The following CPNE8 variants were observed in gnomAD, a reference collection of about 807,000 sequenced individuals.
The protein encoded by CPNE8 is copine 8.
Under a neutral mutation model 81.5 loss-of-function variants are expected in CPNE8, and 45 were observed. The ratio of observed to expected loss-of-function variants is 0.55; its 90% CI spans 0.44 to 0.71. The LOEUF (loss-of-function observed/expected upper bound fraction) is 0.71, where lower values mean the gene tolerates loss of function less well. Ranked by LOEUF, CPNE8 falls within the 30% of genes least tolerant of loss-of-function variation. The pLI is 0.00. For synonymous variants in CPNE8, 252 were observed against 226.3 expected (o/e 1.11, Z -1.02); for missense variants, 594 against 672.1 (o/e 0.88, Z 1.28).
intron 1 of CPNE8, among the ~76,000 whole-genome samples, chr12:38,892,899 G>C (rs1047500616): frequency 6.6e-6 from 1 of 152,024 alleles, no homozygotes; most frequent in Non-Finnish European, 1.5e-5. Flanking sequence ...GAAAAAACTA[G>C]AACAGCAACA....
chr12:38,837,707 G>A (rs1306745379), intron 5 of CPNE8, among the ~76,000 whole-genome samples: 1 of 151,980 alleles, frequency 6.6e-6, no homozygotes, highest in Non-Finnish European at 1.5e-5. Flanking sequence ...ATCCTATTTG[G>A]AACAGAGAGA....
At chr12:38,859,211 A>T (rs1414864342) in intron 3 of CPNE8, among the ~76,000 whole-genome samples, 1 of 152,130 alleles carries the variant, frequency 6.6e-6, no homozygotes. Flanking sequence ...CAAAGACTCC[A>T]CAAAAACTGT....
intron 19 of CPNE8, among the ~76,000 whole-genome samples, chr12:38,661,163 G>A (rs1451587393): frequency 6.6e-6 from 1 of 152,170 alleles, no homozygotes; most frequent in East Asian, 1.9e-4. Context: ...GCACATGTAT[G>A]TTTATTGTGG....
intron 6 of CPNE8, among the ~76,000 whole-genome samples, chr12:38,816,135 T>C (rs1285469098): frequency 6.6e-6 from 1 of 152,182 alleles, no homozygotes; most frequent in African/African-American, 2.4e-5. Context: ...AAATTCTGTA[T>C]TTTTAAAGTC....
At chr12:38,669,779 G>A (rs1376803726) in intron 19 of CPNE8, among the ~76,000 whole-genome samples, 1 of 152,208 alleles carries the variant, frequency 6.6e-6, no homozygotes, top group East Asian at 1.9e-4. Flanking sequence ...CAGTAAAACA[G>A]TGGGCCTTGG....
intron 13 of CPNE8, 125 bp downstream of exon 13, chr12:38,723,647 T>C (rs1349122633): frequency 2.8e-6 from 2 of 706,302 alleles, no homozygotes; most frequent in African/African-American, 3.6e-5. Flanking sequence ...AACAGAAGTC[T>C]AATAGGCTTG....
chr12:38,816,026 A>G (rs1041407356), intron 6 of CPNE8, among the ~76,000 whole-genome samples: 1 of 152,168 alleles, frequency 6.6e-6, no homozygotes, highest in African/African-American at 2.4e-5. Flanking sequence ...CTATCTATCT[A>G]TCCATCTACA....
chr12:38,714,631 C>CA (rs201397855), intron 13 of CPNE8, among the ~76,000 whole-genome samples: 215 of 138,548 alleles, frequency 1.6e-3, no homozygotes, highest in Middle Eastern at 3.9e-3. Flanking sequence ...CACTGCTTAT[C>CA]AAAAAAAAAA....
intron 6 of CPNE8, among the ~76,000 whole-genome samples, chr12:38,785,015 T>A (rs1942146584): frequency 6.6e-6 from 1 of 152,000 alleles, no homozygotes; most frequent in South Asian, 2.1e-4. Context: ...GCCAACATGG[T>A]GAAACCCCGT....
intron 19 of CPNE8, among the ~76,000 whole-genome samples, chr12:38,660,701 T>C (rs112320381): frequency 0.031 from 4,786 of 152,260 alleles, 104 homozygotes; most frequent in African/African-American, 0.067. Context: ...GAGAAAATTT[T>C]TGCAATCTAC....
Position 38,685,634 on chromosome 12 carries a change from G to A in CPNE8, c.1144-17C>T. On this transcript the variant is annotated splice_polypyrimidine_tract_variant and intron_variant, in intron 15 of 19. Transcript: ENST00000331366. ...ATTCCCATTCTGTAGAAATTTATAGGCAAAACAAAACAAAACAACAGTAAA... is the reference window on the plus strand; with the variant it reads ...ATTCCCATTCTGTAGAAATTTATAGACAAAACAAAACAAAACAACAGTAAA... The A allele has an allele frequency of 6.2e-7, 1 of 1,603,990 alleles. No homozygotes were observed. The highest frequency in any genetic ancestry group is 1.3e-5 in the African/African-American group (1 of 74,360).
At chr12:38,786,487 C>A (rs1405049019) in intron 6 of CPNE8, among the ~76,000 whole-genome samples, 3 of 152,160 alleles carry the variant, frequency 2.0e-5, no homozygotes, top group Non-Finnish European at 4.4e-5. Flanking sequence ...ACTTCTTGCC[C>A]TGGAACATCA....
intron 6 of CPNE8, among the ~76,000 whole-genome samples, chr12:38,825,889 G>A (rs564278486): frequency 2.0e-5 from 3 of 152,174 alleles, no homozygotes; most frequent in African/African-American, 4.8e-5. Flanking sequence ...CAAACTAATC[G>A]TATTCACTTT....
rs976869873 is a variant in CPNE8, at chr12:38,794,189, T to C, written c.408-17888A>G. Among the ~76,000 whole-genome samples, 6 of 152,140 alleles carry C rather than the reference T, an allele frequency of 3.9e-5. No homozygotes were observed. In the East Asian group the frequency reaches 5.8e-4, roughly 15 times the overall value. Reference sequence around the variant, plus strand: ...AAGTACAGGCAACGAAAAGCAAAAATAGACAAATGGGGCCTGCATTAAGTT... The same window carrying C: ...AAGTACAGGCAACGAAAAGCAAAAACAGACAAATGGGGCCTGCATTAAGTT... On this transcript the variant is annotated intron_variant, in intron 6 of 19. Coordinates refer to ENST00000331366, the MANE Select transcript of CPNE8 (RefSeq NM_153634.3).
intron 19 of CPNE8, among the ~76,000 whole-genome samples, chr12:38,666,385 C>T (rs991743407): frequency 1.3e-5 from 2 of 152,088 alleles, no homozygotes; most frequent in African/African-American, 4.8e-5. Flanking sequence ...TGATCTGGGG[C>T]TGGCTTCAGT....
intron 19 of CPNE8, among the ~76,000 whole-genome samples, chr12:38,661,343 C>T (rs1377804923): frequency 6.6e-6 from 1 of 152,082 alleles, no homozygotes; most frequent in Non-Finnish European, 1.5e-5. Flanking sequence ...TCATTCTGAG[C>T]AAACTATCAC....
At chr12:38,686,666 A>G (rs1329684487) in intron 15 of CPNE8, among the ~76,000 whole-genome samples, 2 of 152,232 alleles carry the variant, frequency 1.3e-5, no homozygotes, top group African/African-American at 2.4e-5. Context: ...ATGAGGTTGC[A>G]TTGAAGATGC....
chr12:38,686,451 T>C (rs1315057900), intron 15 of CPNE8, among the ~76,000 whole-genome samples: 1 of 152,198 alleles, frequency 6.6e-6, no homozygotes, highest in African/African-American at 2.4e-5. Context: ...TGCCCTGTCA[T>C]TATTAGGTTT....
Position 38,748,735 on chromosome 12 carries a change from C to A in CPNE8, c.722+12112G>T, listed in dbSNP as rs151086331. 2.6e-4 allele frequency among the ~76,000 whole-genome samples: 39 copies of A among 152,108 alleles called. 1 individual carries two copies. The East Asian group carries it at 7.6e-3, about 29-fold the overall frequency. On this transcript the variant is annotated intron_variant, in intron 10 of 19. Coordinates refer to ENST00000331366, the MANE Select transcript of CPNE8 (RefSeq NM_153634.3). ...AGCCAGGATGGTCTCAATCTCCTGA[C>A]CTTGTGATCCACCATAACAGTATTT...
Sources: allele counts gnomAD v4.1 joint callset (sites outside exome capture counted in the v4.1 genomes callset), GRCh38; gene constraint gnomAD v4.1.1; transcripts MANE v1.5; gene names NCBI Gene and HGNC (gene_info 2026-07-23, HGNC 2026-07-21).